SASH1: variants seen among roughly 807,000 people sequenced by gnomAD.
SASH1 encodes the protein SAM and SH3 domain containing 1.
In SASH1, 44 loss-of-function variants were observed where a neutral mutation model predicts 125.2. The ratio of observed to expected loss-of-function variants is 0.35; its 90% CI spans 0.28 to 0.45. The LOEUF is 0.45. Among genes scored for constraint, SASH1 ranks in the 20% least tolerant of loss-of-function variants. SASH1 has a pLI of 1.00. For missense variants in SASH1, 1,426 were observed against 1,614.5 expected (o/e 0.88, Z 2.00); for synonymous variants, 639 against 649.1 (o/e 0.98, Z 0.24).
At chr6:148,373,692 G>T (rs1035828271) in intron 1 of SASH1, among the ~76,000 whole-genome samples, 6 of 151,998 alleles carry the variant, frequency 3.9e-5, no homozygotes, top group African/African-American at 1.4e-4. Flanking sequence ...GAACTGGGCT[G>T]GGCGCAGTGG....
At chr6:148,308,924 G>T (rs981988042) in intron 1 of SASH1, among the ~76,000 whole-genome samples, 2 of 150,654 alleles carry the variant, frequency 1.3e-5, no homozygotes, top group African/African-American at 2.4e-5. Flanking sequence ...TCTCTACTAA[G>T]AATACAAAAA....
intron 2 of SASH1, among the ~76,000 whole-genome samples, chr6:148,401,897 T>C (rs151131109): frequency 7.4e-4 from 113 of 152,274 alleles, no homozygotes; most frequent in African/African-American, 2.5e-3. Context: ...GTGTCTTTGT[T>C]TGTATGTGTG....
the SASH1 span, among the ~76,000 whole-genome samples, chr6:148,247,370 A>G: frequency 1.3e-5 from 2 of 152,214 alleles, no homozygotes; most frequent in Non-Finnish European, 1.5e-5. Flanking sequence ...AAAGATCCTG[A>G]GAAATTATAA....
the SASH1 span, among the ~76,000 whole-genome samples, chr6:148,230,299 G>A: frequency 6.6e-6 from 1 of 151,562 alleles, no homozygotes; most frequent in Non-Finnish European, 1.5e-5. Flanking sequence ...CACTTAATAC[G>A]AACATTTGAA....
chr6:148,275,696 C>T (rs767800813), intron 1 of SASH1, among the ~76,000 whole-genome samples: 3 of 152,144 alleles, frequency 2.0e-5, no homozygotes, highest in African/African-American at 4.8e-5. Flanking sequence ...TTAAAAGTAC[C>T]GCTATGTATT....
chr6:148,415,848 T>A (rs1784796806), intron 2 of SASH1, among the ~76,000 whole-genome samples: 1 of 152,216 alleles, frequency 6.6e-6, no homozygotes, highest in Admixed American at 6.5e-5. Flanking sequence ...ACCTACCCAC[T>A]CATTCAGAGG....
chr6:148,508,941 T>G (rs1779962985), intron 8 of SASH1: 1 of 832,954 alleles, frequency 1.2e-6, no homozygotes, highest in Non-Finnish European at 1.8e-6. Context: ...CAAGTAAAAG[T>G]TTTTGCTGCT....
chr6:148,471,449 T>C lies in SASH1; in HGVS notation c.460T>C (p.Phe154Leu). Residue 154 changes from phenylalanine to leucine, a missense_variant, in exon 6 of 20, where the codon TTC (phenylalanine) becomes CTC (leucine). Physicochemically the swap from Phe to Leu is conservative, Grantham distance 22. Coordinates refer to ENST00000367467, the MANE Select transcript of SASH1 (RefSeq NM_015278.5). ...KGDWKKKNKY[F>L]WQNFRKNQKG... ...AGACTGGAAGAAGAAAAATAAGTAT[T>C]TCTGGCAGAACTTCCGAAAGAACCA... 1.9e-6 allele frequency: 3 copies of C among 1,586,486 alleles called. No homozygotes were observed. Among genetic ancestry groups the C allele is most frequent in the Non-Finnish European group, 2.6e-6 (3 of 1,161,560 alleles).
intron 2 of SASH1, among the ~76,000 whole-genome samples, chr6:148,393,208 G>A (rs1031421494): frequency 4.5e-5 from 6 of 134,250 alleles, no homozygotes; most frequent in South Asian, 2.7e-4. Flanking sequence ...CACCATGCCC[G>A]GCTAATTTTG....
At chr6:148,447,655 CTCTTCTTCCTCTTGTTCTTCCTCCTCT>C (rs1776857566) in intron 4 of SASH1, among the ~76,000 whole-genome samples, 1 of 141,750 alleles carries the variant, frequency 7.1e-6, no homozygotes, top group South Asian at 2.5e-4. Context: ...CCTTTTCCTC[CTCTTCTTCCTCTTGTTCTTCCTCCTCT>C]TCTTCTTCCT....
rs116162926 is a variant in SASH1 at position 148,274,466 on chromosome 6, C to T, written n.74+2089C>T. ...GCCAAAATTTGACTGCAAACTCTGT[C>T]ATGGGACTATGCCCTCTTAATCCCA... On this transcript the variant is annotated intron_variant and non_coding_transcript_variant, in intron 1 of 3. Coordinates refer to the SASH1 transcript ENST00000367469. Among the ~76,000 whole-genome samples the T allele has an allele frequency of 5.3e-3, 807 of 152,314 alleles. 10 individuals carry two copies. The highest frequency in any genetic ancestry group is 0.019 in the African/African-American group (779 of 41,562).
the SASH1 span, among the ~76,000 whole-genome samples, chr6:148,220,282 A>G: frequency 6.6e-6 from 1 of 152,152 alleles, no homozygotes; most frequent in Non-Finnish European, 1.5e-5. Flanking sequence ...GGCAGAAGGG[A>G]TAGAAGAGCA....
intron 1 of SASH1, among the ~76,000 whole-genome samples, chr6:148,310,624 G>C (rs537984174): frequency 1.3e-5 from 2 of 152,214 alleles, no homozygotes; most frequent in African/African-American, 4.8e-5. Context: ...TATTTGCAAA[G>C]TATGTATTTG....
At chr6:148,331,815 C>T (rs1045004314) in intron 1 of SASH1, among the ~76,000 whole-genome samples, 5 of 152,070 alleles carry the variant, frequency 3.3e-5, no homozygotes, top group African/African-American at 1.2e-4. Context: ...CCTCAGCCTC[C>T]CCAGTAGCTA....
At chr6:148,403,421 A>G (rs758139405) in intron 2 of SASH1, among the ~76,000 whole-genome samples, 1 of 151,086 alleles carries the variant, frequency 6.6e-6, no homozygotes, top group East Asian at 2.0e-4. Flanking sequence ...AATTTTTGCT[A>G]TACAATTACA....
chr6:148,234,470 T>G, the SASH1 span, among the ~76,000 whole-genome samples: 1 of 152,040 alleles, frequency 6.6e-6, no homozygotes, highest in African/African-American at 2.4e-5. Context: ...GATCCCTTCC[T>G]TTGCTCAGGG....
chr6:148,458,350 C>T (rs1225872542), intron 4 of SASH1, among the ~76,000 whole-genome samples: 1 of 152,154 alleles, frequency 6.6e-6, no homozygotes, highest in African/African-American at 2.4e-5. Context: ...TGACACTTGG[C>T]CTCAACTAAC....
At chr6:148,233,262 A>G in the SASH1 span, among the ~76,000 whole-genome samples, 1 of 151,862 alleles carries the variant, frequency 6.6e-6, no homozygotes, top group Non-Finnish European at 1.5e-5. Context: ...GGTAGAGCGA[A>G]GATTGAGACC....
At chr6:148,258,950 A>G in the SASH1 span, among the ~76,000 whole-genome samples, 2 of 152,346 alleles carry the variant, frequency 1.3e-5, no homozygotes, top group Admixed American at 1.3e-4. Context: ...AAGTTGTTAT[A>G]AGAGATTCAG....
Sources: allele counts gnomAD v4.1 joint callset (sites outside exome capture counted in the v4.1 genomes callset), GRCh38; gene constraint gnomAD v4.1.1; transcripts MANE v1.5; gene names NCBI Gene and HGNC (gene_info 2026-07-23, HGNC 2026-07-21).